PCLO: variants seen among roughly 807,000 people sequenced by gnomAD.
PCLO encodes the protein piccolo presynaptic cytomatrix protein.
In PCLO, 82 loss-of-function variants were observed where a neutral mutation model predicts 427.5. The ratio of observed to expected loss-of-function variants is 0.19; its 90% CI spans 0.16 to 0.23. The LOEUF is 0.23. PCLO is among the 10% of genes least tolerant of loss of function. The pLI, the probability that PCLO is intolerant of heterozygous loss-of-function variation, is 1.00. For synonymous variants in PCLO, 2,357 were observed against 2,155.4 expected (o/e 1.09, Z -2.59); for missense variants, 6,239 against 6,115.9 (o/e 1.02, Z -0.67).
At chr7:82,776,591 TC>T (rs1383478735) in intron 22 of PCLO, among the ~76,000 whole-genome samples, 2 of 152,176 alleles carry the variant, frequency 1.3e-5, no homozygotes, top group African/African-American at 4.8e-5. Context: ...AATCAGAAGT[TC>T]CAGATCATCT....
intron 9 of PCLO, among the ~76,000 whole-genome samples, chr7:82,896,307 A>T (rs1234493488): frequency 6.6e-6 from 1 of 151,800 alleles, no homozygotes; most frequent in Non-Finnish European, 1.5e-5. Flanking sequence ...CATATTTAGC[A>T]GTAAAAAGGA....
chr7:83,069,645 T>C (rs893672546), intron 3 of PCLO, among the ~76,000 whole-genome samples: 2 of 152,124 alleles, frequency 1.3e-5, no homozygotes, highest in African/African-American at 4.8e-5. Flanking sequence ...AGATAATGAA[T>C]GTAAAGTGCT....
chr7:82,910,676 G>A (rs946264629), intron 7 of PCLO, among the ~76,000 whole-genome samples: 3 of 152,052 alleles, frequency 2.0e-5, no homozygotes, highest in Non-Finnish European at 4.4e-5. Context: ...AAACATCCTA[G>A]TTATGATAAA....
At chr7:82,788,617 T>G (rs985809344) in intron 22 of PCLO, among the ~76,000 whole-genome samples, 2 of 152,116 alleles carry the variant, frequency 1.3e-5, no homozygotes, top group African/African-American at 4.8e-5. Context: ...AGTATTAAAC[T>G]AATTCTCCTA....
At chr7:82,884,012 G>A (rs1159825927) in intron 9 of PCLO, among the ~76,000 whole-genome samples, 1 of 152,100 alleles carries the variant, frequency 6.6e-6, no homozygotes, top group Non-Finnish European at 1.5e-5. Flanking sequence ...CTCAGATGAT[G>A]CCTGCCTTGG....
At chr7:82,995,067 T>C (rs1390348663) in intron 3 of PCLO, among the ~76,000 whole-genome samples, 2 of 151,966 alleles carry the variant, frequency 1.3e-5, no homozygotes, top group African/African-American at 4.8e-5. Flanking sequence ...ATTGAATATA[T>C]GGGTCTGAAG....
intron 6 of PCLO, among the ~76,000 whole-genome samples, chr7:82,928,262 C>T (rs956346951): frequency 3.3e-5 from 5 of 152,134 alleles, no homozygotes; most frequent in African/African-American, 2.4e-5. Flanking sequence ...AATGTTTAAA[C>T]AAAAGAATAA....
intron 3 of PCLO, among the ~76,000 whole-genome samples, chr7:83,050,184 G>A (rs1488224512): frequency 1.4e-5 from 1 of 73,254 alleles, no homozygotes; most frequent in African/African-American, 5.0e-5. Context: ...ACTTATACTT[G>A]AACTATTCCT....
intron 6 of PCLO, among the ~76,000 whole-genome samples, chr7:82,918,540 A>G (rs933164252): frequency 1.6e-4 from 25 of 152,058 alleles, no homozygotes; most frequent in African/African-American, 5.8e-4. Flanking sequence ...AAGATCCTAC[A>G]ATAATTTTCT....
At position 82,794,459 on chromosome 7, in the gene PCLO, C is replaced by CT. The variant is rs778108792; in HGVS notation, c.15007+7058dup. 2.4e-3 allele frequency among the ~76,000 whole-genome samples: 133 copies of CT among 56,368 alleles called. 36 individuals carry two copies. Among genetic ancestry groups the CT allele is most frequent in the Non-Finnish European group, 4.5e-3 (109 of 24,442 alleles). The allele number at this position is 56,368 out of a possible 152,430, so 37.0% of individuals were successfully genotyped here. On this transcript the variant is annotated intron_variant, in intron 22 of 24. Coordinates refer to ENST00000333891, the MANE Select transcript of PCLO (RefSeq NM_033026.6). Reference sequence around the variant, plus strand: ...ACATGCTAGTTCATAAATTTTTTTTCTTTTTTTTTTTTTTTTTTTTTTTTT... The same window carrying CT: ...ACATGCTAGTTCATAAATTTTTTTTCTTTTTTTTTTTTTTTTTTTTTTTTTT...
chr7:82,859,231 T>A (rs949957197), intron 10 of PCLO, among the ~76,000 whole-genome samples: 3 of 152,172 alleles, frequency 2.0e-5, no homozygotes, highest in African/African-American at 7.2e-5. Context: ...CTGCTAATTG[T>A]AGAGTTCCAG....
At chr7:83,022,667 C>T (rs41609) in intron 3 of PCLO, among the ~76,000 whole-genome samples, 129,825 of 152,238 alleles carry the variant, frequency 0.85, 55,473 homozygotes, top group East Asian at 1. Flanking sequence ...AAAATAGACA[C>T]GCTGATCTTT....
At chr7:82,960,686 A>C (rs1795637359) in intron 4 of PCLO, among the ~76,000 whole-genome samples, 1 of 152,176 alleles carries the variant, frequency 6.6e-6, no homozygotes, top group East Asian at 1.9e-4. Context: ...GCTATTCAAC[A>C]AACATTTTGA....
chr7:83,162,222 G>A, intron 1 of PCLO, 123 bp downstream of exon 1: 1 of 1,174,732 alleles, frequency 8.5e-7, no homozygotes, highest in Non-Finnish European at 1.2e-6. Flanking sequence ...CCACCCCACT[G>A]GGGAGAATAA....
intron 4 of PCLO, among the ~76,000 whole-genome samples, chr7:82,960,899 G>A (rs1452498335): frequency 1.3e-5 from 2 of 152,092 alleles, no homozygotes; most frequent in African/African-American, 4.8e-5. Context: ...TAATGAAAAG[G>A]CAGTATTCTA....
chr7:82,842,917 G>T (rs1792402762), intron 13 of PCLO, among the ~76,000 whole-genome samples: 1 of 152,152 alleles, frequency 6.6e-6, no homozygotes, highest in Admixed American at 6.5e-5. Context: ...GTGATGGTGA[G>T]AATGTGGAGA....
At chr7:83,153,475 GTTA>G (rs1321605284) in intron 2 of PCLO, among the ~76,000 whole-genome samples, 2 of 151,978 alleles carry the variant, frequency 1.3e-5, no homozygotes, top group African/African-American at 4.8e-5. Flanking sequence ...CATCATTATT[GTTA>G]TTATCATGAT....
chr7:82,921,348 T>C (rs1794591625), intron 6 of PCLO, among the ~76,000 whole-genome samples: 1 of 151,978 alleles, frequency 6.6e-6, no homozygotes, highest in Non-Finnish European at 1.5e-5. Flanking sequence ...AACTTTATAC[T>C]ACAAGGTTAT....
At chr7:82,895,543 T>C (rs1793882394) in intron 9 of PCLO, among the ~76,000 whole-genome samples, 2 of 151,772 alleles carry the variant, frequency 1.3e-5, no homozygotes, top group African/African-American at 4.8e-5. Flanking sequence ...AATTGGGTCT[T>C]TGAAAAGATT....
Sources: gnomAD v4.1 joint callset for allele counts (sites outside exome capture counted in the v4.1 genomes callset) on GRCh38, gnomAD v4.1.1 for gene constraint, MANE v1.5 for transcripts, NCBI Gene and HGNC (gene_info 2026-07-23, HGNC 2026-07-21) for gene names.